The following NFIA variants were observed in gnomAD, a reference collection of about 807,000 sequenced individuals.
The protein encoded by NFIA is nuclear factor I A, also known as nuclear factor 1 A-type.
A neutral mutation model predicts 62.8 loss-of-function variants in NFIA; 8 were observed. The observed-to-expected ratio is 0.13, with a 90% CI of 0.07 to 0.23. The LOEUF is 0.23. Among genes scored for constraint, NFIA ranks in the 10% least tolerant of loss-of-function variants. The pLI, the probability that NFIA is intolerant of heterozygous loss-of-function variation, is 1.00. For synonymous variants in NFIA, 235 were observed against 238.1 expected (o/e 0.99, Z 0.12); for missense variants, 410 against 642.1 (o/e 0.64, Z 3.91).
chr1:61,377,446 A>G (rs1000496226), intron 6 of NFIA, among the ~76,000 whole-genome samples: 6 of 152,102 alleles, frequency 3.9e-5, no homozygotes, highest in Non-Finnish European at 8.8e-5. Context: ...GTTTGGTGTA[A>G]TCGTTGTTCT....
At chr1:61,081,707 C>T (rs1646097674), upstream of NFIA, 3 of 612,162 alleles carry the variant, frequency 4.9e-6, no homozygotes, top group Admixed American at 6.1e-5. Context: ...AGACCCCCGC[C>T]CCCCAAATCC....
At chr1:61,395,754 G>T (rs930495766) in intron 7 of NFIA, among the ~76,000 whole-genome samples, 1 of 152,124 alleles carries the variant, frequency 6.6e-6, no homozygotes, top group Non-Finnish European at 1.5e-5. Flanking sequence ...ATTCAAAGAG[G>T]CCCTGTCAGG....
At chr1:61,106,125 A>ATCTATCTATCTATCTC in intron 2 of NFIA, among the ~76,000 whole-genome samples, 1 of 151,172 alleles carries the variant, frequency 6.6e-6, no homozygotes. Flanking sequence ...CTATCTATCT[A>ATCTATCTATCTATCTC]TCTATCTATA....
chr1:61,153,913 T>C (rs1350431411), intron 2 of NFIA, among the ~76,000 whole-genome samples: 1 of 152,232 alleles, frequency 6.6e-6, no homozygotes, highest in African/African-American at 2.4e-5. Flanking sequence ...AAGAGCTTCC[T>C]ATATGAGTTT....
intron 2 of NFIA, chr1:61,249,852 C>T (rs1655911721): frequency 2.0e-5 from 3 of 152,084 alleles, no homozygotes; most frequent in African/African-American, 7.2e-5. Flanking sequence ...TACCATGTTC[C>T]TGCTGACAGT....
chr1:61,394,968 G>A (rs554102909), intron 7 of NFIA, among the ~76,000 whole-genome samples: 19 of 152,128 alleles, frequency 1.2e-4, no homozygotes, highest in African/African-American at 2.9e-4. Context: ...TTAGCCGAGC[G>A]TGGTGGCACA....
At chr1:61,117,404 A>C (rs998757816) in intron 2 of NFIA, among the ~76,000 whole-genome samples, 3 of 152,002 alleles carry the variant, frequency 2.0e-5, no homozygotes, top group African/African-American at 7.2e-5. Context: ...GGTGTCCCTA[A>C]TACCATTTTT....
intron 2 of NFIA, among the ~76,000 whole-genome samples, chr1:61,156,070 G>A (rs535852184): frequency 6.6e-6 from 1 of 152,116 alleles, no homozygotes; most frequent in South Asian, 2.1e-4. Flanking sequence ...GGAGGCGGAG[G>A]TTGCAGTGAG....
intron 4 of NFIA, among the ~76,000 whole-genome samples, chr1:61,346,612 TTC>T (rs1339267024): frequency 6.6e-6 from 1 of 152,108 alleles, no homozygotes; most frequent in Admixed American, 6.5e-5. Context: ...ATTGTAAAAA[TTC>T]TATTTTCTTT....
At chr1:61,247,193 T>C (rs1441151389) in intron 2 of NFIA, among the ~76,000 whole-genome samples, 2 of 152,164 alleles carry the variant, frequency 1.3e-5, no homozygotes, top group Non-Finnish European at 2.9e-5. Context: ...AAGTTACAAC[T>C]CTATCACAAA....
At chr1:61,342,252 C>T (rs75447844) in intron 4 of NFIA, among the ~76,000 whole-genome samples, 5,753 of 151,652 alleles carry the variant, frequency 0.038, 383 homozygotes, top group East Asian at 0.19. Flanking sequence ...TCTGTTGATA[C>T]GGTTTGGTTT....
At chr1:61,393,628 C>A (rs1665122233) in intron 7 of NFIA, among the ~76,000 whole-genome samples, 1 of 152,024 alleles carries the variant, frequency 6.6e-6, no homozygotes, top group African/African-American at 2.4e-5. Context: ...CCCTGTCCAC[C>A]CATGGAGTCA....
intron 7 of NFIA, among the ~76,000 whole-genome samples, chr1:61,392,148 T>G (rs1444539685): frequency 6.6e-6 from 1 of 152,070 alleles, no homozygotes; most frequent in Non-Finnish European, 1.5e-5. Context: ...CAAGTGCCAG[T>G]GCCTAGCCTA....
chr1:61,214,465 C>A (rs545513495), intron 2 of NFIA, among the ~76,000 whole-genome samples: 4 of 152,294 alleles, frequency 2.6e-5, no homozygotes, highest in African/African-American at 9.6e-5. Context: ...TAATAAACTA[C>A]ATTTATATAT....
intron 4 of NFIA, among the ~76,000 whole-genome samples, chr1:61,343,168 TA>T (rs556275667): frequency 1.7e-4 from 26 of 152,338 alleles, no homozygotes; most frequent in African/African-American, 6.0e-4. Flanking sequence ...CCTTTTCCTC[TA>T]CAGGGTATAT....
At chr1:61,442,016 T>G (rs1667606486) in intron 10 of NFIA, among the ~76,000 whole-genome samples, 1 of 151,748 alleles carries the variant, frequency 6.6e-6, no homozygotes, top group South Asian at 2.1e-4. Flanking sequence ...CGGATGAAAC[T>G]CATTATGGAA....
intron 7 of NFIA, among the ~76,000 whole-genome samples, chr1:61,394,062 C>G (rs1009371965): frequency 6.6e-5 from 10 of 152,216 alleles, no homozygotes; most frequent in African/African-American, 2.2e-4. Flanking sequence ...GTTTGGCACA[C>G]AGTAGATTCT....
rs935524082 is a variant in NFIA at position 61,225,147 on chromosome 1, A to T, written c.560-52373A>T. Among the ~76,000 whole-genome samples the T allele has an allele frequency of 4.0e-5, 6 of 150,510 alleles. No homozygotes were observed. In the East Asian group the frequency reaches 9.7e-4, roughly 24 times the overall value. Reference sequence around the variant, plus strand: ...TATATATTTTGTTTTTTGTTTTTTTAAAAAACAAAAAAAAAAGTCTGTGAG... The same window carrying T: ...TATATATTTTGTTTTTTGTTTTTTTTAAAAACAAAAAAAAAAGTCTGTGAG... On this transcript the variant is annotated intron_variant, in intron 2 of 10. Transcript: ENST00000403491.
intron 2 of NFIA, among the ~76,000 whole-genome samples, chr1:61,244,076 G>C (rs2100648703): frequency 6.6e-6 from 1 of 152,294 alleles, no homozygotes; most frequent in African/African-American, 2.4e-5. Context: ...GTATGCTGGT[G>C]TCTACCCAAG....
Sources: allele counts gnomAD v4.1 joint callset (sites outside exome capture counted in the v4.1 genomes callset), GRCh38; gene constraint gnomAD v4.1.1; transcripts MANE v1.5; gene names NCBI Gene and HGNC (gene_info 2026-07-23, HGNC 2026-07-21).